PEAK1: variants seen among roughly 807,000 people sequenced by gnomAD.
PEAK1 encodes the protein inactive tyrosine-protein kinase PEAK1.
PEAK1 carries 54 observed loss-of-function variants against 124.7 expected under a neutral mutation model. That is an observed-to-expected ratio of 0.43 (90% CI 0.35 to 0.54). PEAK1 has a LOEUF of 0.54. Ranked by LOEUF, PEAK1 falls within the 20% of genes least tolerant of loss-of-function variation. The pLI, the probability that PEAK1 is intolerant of heterozygous loss-of-function variation, is 0.01. For missense variants in PEAK1, 2,046 were observed against 2,134.5 expected, an observed-to-expected ratio of 0.96 and a Z score of 0.82; for synonymous variants, 719 against 760.0, an observed-to-expected ratio of 0.95 and a Z score of 0.89.
At position 77,181,243 on chromosome 15, in the gene PEAK1, T is replaced by C; in HGVS notation, c.684A>G (p.Pro228=). 6.2e-7 allele frequency: 1 copy of C among 1,613,992 alleles called. No individual in the cohort carries two copies. The highest frequency in any genetic ancestry group is 8.5e-7 in the Non-Finnish European group (1 of 1,180,008). Residue 228 remains proline (P), a synonymous_variant, in exon 7 of 10, where the codon CCA becomes CCG. Coordinates refer to ENST00000682557, the MANE Select transcript of PEAK1 (RefSeq NM_001385026.1). The part of the protein sequence containing the change: ...ISNEGGRFCY[P]EFSSGEESEE... Reference sequence around the variant, plus strand: ...CACTCTCCTCGCCACTGGAAAACTCTGGGTAACAGAACCGGCCCCCTTCAT... The same window carrying C: ...CACTCTCCTCGCCACTGGAAAACTCCGGGTAACAGAACCGGCCCCCTTCAT...
intron 5 of PEAK1, among the ~76,000 whole-genome samples, chr15:77,266,759 G>C (rs2061756110): frequency 6.6e-6 from 1 of 152,172 alleles, no homozygotes; most frequent in Non-Finnish European, 1.5e-5. Context: ...GCAGCATGTA[G>C]AGACCCACAT....
At chr15:77,209,373 T>C (rs1274825761) in intron 6 of PEAK1, among the ~76,000 whole-genome samples, 1 of 152,002 alleles carries the variant, frequency 6.6e-6, no homozygotes, top group Non-Finnish European at 1.5e-5. Context: ...GGAAAAGATG[T>C]CTTTTATACC....
chr15:77,106,889 G>A (rs145474581), downstream of PEAK1: 42 of 152,268 alleles, frequency 2.8e-4, no homozygotes, highest in African/African-American at 8.7e-4. Context: ...ATGCTTCAAG[G>A]CCCAGGAAAG....
intron 6 of PEAK1, among the ~76,000 whole-genome samples, 184 bp downstream of exon 6, chr15:77,252,182 AG>A (rs2060912337): frequency 6.6e-6 from 1 of 152,244 alleles, no homozygotes; most frequent in South Asian, 2.1e-4. Flanking sequence ...GTTTATAACT[AG>A]GGGAAAAAAT....
chr15:77,267,689 C>T (rs1398756416), intron 5 of PEAK1, among the ~76,000 whole-genome samples: 25 of 152,118 alleles, frequency 1.6e-4, no homozygotes, highest in Non-Finnish European at 2.9e-5. Flanking sequence ...GGGAGCAACC[C>T]GTGGGACAAA....
At chr15:77,334,464 G>A (rs1394025782) in intron 2 of PEAK1, 20 of 985,148 alleles carry the variant, frequency 2.0e-5, no homozygotes, top group Non-Finnish European at 2.4e-5. Context: ...CCGAGAAGTA[G>A]AGGAGATTTA....
At chr15:77,250,369 C>T (rs978611416) in intron 6 of PEAK1, among the ~76,000 whole-genome samples, 1 of 151,102 alleles carries the variant, frequency 6.6e-6, no homozygotes, top group African/African-American at 2.4e-5. Flanking sequence ...GCCTCAGCCT[C>T]CTGAGTAGCT....
Position 77,180,291 on chromosome 15 carries a change from G to T in PEAK1, c.1636C>A (p.Pro546Thr), listed in dbSNP as rs759908031. The T allele has an allele frequency of 6.2e-7, 1 of 1,614,008 alleles. No homozygotes were observed. The highest frequency in any genetic ancestry group is 1.3e-5 in the African/African-American group (1 of 74,896). The change falls in exon 7 of 10, where the codon CCT becomes ACT. Residue 546 changes from proline to threonine, a missense_variant. Physicochemically the swap from Pro to Thr is conservative, Grantham distance 38. Coordinates refer to ENST00000682557, the MANE Select transcript of PEAK1 (RefSeq NM_001385026.1). ...TSSTSPRQKI[P>T]KVELITSGTG... The stretch of plus-strand genomic sequence containing the variant: ...CCACTAGTAATTAGTTCTACTTTAG[G>T]TATCTTTTGTCGTGGACTGGTGCTA...
intron 2 of PEAK1, chr15:77,355,881 T>C (rs1325920512): frequency 5.1e-6 from 5 of 985,092 alleles, no homozygotes; most frequent in Non-Finnish European, 6.0e-6. Context: ...CCTGGAAAAA[T>C]GGAGAGAACT....
Position 77,179,840 on chromosome 15 carries a change from T to G in PEAK1, c.2087A>C (p.Glu696Ala), listed in dbSNP as rs1177693802. Reference sequence around the variant, plus strand: ...CTGAGCCACTGAGCCCCTTTTATGCTCTGTGCTGTTTGAAAACCCTTTAGT... The same window carrying G: ...CTGAGCCACTGAGCCCCTTTTATGCGCTGTGCTGTTTGAAAACCCTTTAGT... ...LQTKGFSNST[E>A]HKRGSVAQKV... Residue 696 changes from glutamate (E) to alanine (A), a missense_variant, in exon 7 of 10, where the codon GAG becomes GCG. Transcript: ENST00000682557. The G allele has an allele frequency of 1.9e-6, 3 of 1,614,192 alleles. No individual in the cohort carries two copies. Among genetic ancestry groups the G allele is most frequent in the Non-Finnish European group, 2.5e-6 (3 of 1,180,030 alleles).
intron 2 of PEAK1, chr15:77,355,830 C>T (rs536319157): frequency 1.8e-5 from 18 of 985,322 alleles, no homozygotes; most frequent in Middle Eastern, 5.2e-4. Flanking sequence ...AGAAAAACTG[C>T]TGACCCCCTC....
intron 2 of PEAK1, chr15:77,333,675 C>A: frequency 1.0e-6 from 1 of 974,262 alleles, no homozygotes; most frequent in East Asian, 1.1e-4. Context: ...AATATTCTTA[C>A]CACTTTTGTT....
At chr15:77,300,815 T>C (rs1300739920) in intron 2 of PEAK1, among the ~76,000 whole-genome samples, 1 of 152,122 alleles carries the variant, frequency 6.6e-6, no homozygotes, top group African/African-American at 2.4e-5. Flanking sequence ...CAAATTACCA[T>C]AAATTTGATG....
At chr15:77,404,162 T>C in intron 1 of PEAK1, 4 of 985,404 alleles carry the variant, frequency 4.1e-6, no homozygotes, top group Non-Finnish European at 4.8e-6. Context: ...AATATAGAAA[T>C]ACCTAATTTT....
chr15:77,332,614 T>C (rs1024446956), intron 2 of PEAK1, among the ~76,000 whole-genome samples: 9 of 151,920 alleles, frequency 5.9e-5, no homozygotes, highest in Non-Finnish European at 1.3e-4. Flanking sequence ...AATAAATAAA[T>C]AAATAATAGG....
chr15:77,308,970 A>G (rs768826361), intron 2 of PEAK1, among the ~76,000 whole-genome samples: 20 of 152,126 alleles, frequency 1.3e-4, no homozygotes, highest in Non-Finnish European at 2.6e-4. Context: ...AGTACTTTGG[A>G]AAGATTCTAT....
At chr15:77,253,794 T>C (rs950275809) in intron 5 of PEAK1, among the ~76,000 whole-genome samples, 1 of 152,160 alleles carries the variant, frequency 6.6e-6, no homozygotes, top group Admixed American at 6.6e-5. Flanking sequence ...GTTTTCTGGC[T>C]ATTTTGAAGA....
chr15:77,414,901 T>C (rs1422651663), intron 1 of PEAK1, among the ~76,000 whole-genome samples: 1 of 152,172 alleles, frequency 6.6e-6, no homozygotes, highest in African/African-American at 2.4e-5. Context: ...GAGGACTCCA[T>C]AGTTCTTCAG....
intron 8 of PEAK1, among the ~76,000 whole-genome samples, chr15:77,153,638 C>T (rs1056678189): frequency 5.9e-5 from 9 of 152,106 alleles, no homozygotes; most frequent in African/African-American, 1.7e-4. Context: ...ATAAATTTCC[C>T]TCTATGCACT....
Sources: gnomAD v4.1 joint callset for allele counts (sites outside exome capture counted in the v4.1 genomes callset) on GRCh38, gnomAD v4.1.1 for gene constraint, MANE v1.5 for transcripts, NCBI Gene and HGNC (gene_info 2026-07-23, HGNC 2026-07-21) for gene names.